Variants in SPAG16 observed in about 807,000 individuals in gnomAD.
SPAG16 encodes the protein sperm-associated antigen 16 protein.
In SPAG16, 86 loss-of-function variants were observed where a neutral mutation model predicts 80.4. That is an observed-to-expected ratio of 1.07 (90% confidence interval 0.90 to 1.28). The LOEUF is 1.28. SPAG16 is among the 50% of genes most tolerant of loss of function. SPAG16 has a pLI of 0.00. For synonymous variants in SPAG16, 294 were observed against 265.9 expected (o/e 1.11, Z -1.03); for missense variants, 870 against 765.3 (o/e 1.14, Z -1.61).
intron 13 of SPAG16, among the ~76,000 whole-genome samples, chr2:214,017,140 G>A (rs1228066015): frequency 1.3e-5 from 2 of 152,122 alleles, no homozygotes; most frequent in African/African-American, 2.4e-5. Flanking sequence ...TTCTGAGGAA[G>A]CAGAAGTCAA....
At chr2:213,747,902 T>C (rs1239632966) in intron 10 of SPAG16, among the ~76,000 whole-genome samples, 1 of 152,226 alleles carries the variant, frequency 6.6e-6, no homozygotes, top group Non-Finnish European at 1.5e-5. Flanking sequence ...CAATAAAACA[T>C]ATTCTGTCAT....
Position 214,090,805 on chromosome 2 carries a change from T to C in SPAG16, c.1528-17391T>C, listed in dbSNP as rs976159266. 7.9e-5 allele frequency among the ~76,000 whole-genome samples: 12 copies of C among 152,192 alleles called. No individual in the cohort carries two copies. The East Asian group carries it at 9.6e-4, about 12-fold the overall frequency. On this transcript the variant is annotated intron_variant, in intron 13 of 15. Transcript: ENST00000331683. ...CATTTTATTAAAGTCTGTTTCTTCC[T>C]CATTAGTCTTTGCGTCCTTTGAGAG...
chr2:213,826,350 G>A (rs1197648759), intron 10 of SPAG16, among the ~76,000 whole-genome samples: 1 of 151,492 alleles, frequency 6.6e-6, no homozygotes, highest in Non-Finnish European at 1.5e-5. Context: ...TTTATGTGTA[G>A]TTTTTCTTTT....
rs138787636 is a variant in SPAG16, at chr2:213,336,522, G to A, written c.537-3641G>A. ...CAGGAGGGTTGGCCACCATCACTGC[G>A]GCTCCAGTTGGCCATTGTCCCCTGC... On this transcript the variant is annotated intron_variant, in intron 5 of 15. Transcript: ENST00000331683. Among the ~76,000 whole-genome samples the A allele has an allele frequency of 1.2e-3, 181 of 152,334 alleles. 2 individuals are homozygous for A. The highest frequency in any genetic ancestry group is 3.8e-3 in the African/African-American group (160 of 41,578).
chr2:214,090,562 G>A (rs987869303), intron 13 of SPAG16, among the ~76,000 whole-genome samples: 4 of 151,518 alleles, frequency 2.6e-5, no homozygotes, highest in Admixed American at 6.6e-5. Flanking sequence ...TAAAATAATG[G>A]GCTATTGTGA....
intron 10 of SPAG16, among the ~76,000 whole-genome samples, chr2:213,708,059 T>A (rs547786499): frequency 6.6e-6 from 1 of 152,282 alleles, no homozygotes; most frequent in Non-Finnish European, 1.5e-5. Flanking sequence ...AACTGTGAAA[T>A]TACAATACTA....
chr2:213,285,767 A>G (rs1285201997), intron 1 of SPAG16: 2 of 556,744 alleles, frequency 3.6e-6, no homozygotes, highest in African/African-American at 2.0e-5. Flanking sequence ...TGAATTTGAA[A>G]GAAATATATG....
intron 12 of SPAG16, among the ~76,000 whole-genome samples, chr2:213,975,100 C>G (rs1312821104): frequency 6.6e-6 from 1 of 150,800 alleles, no homozygotes; most frequent in Non-Finnish European, 1.5e-5. Flanking sequence ...TTAATAGTAG[C>G]AAGATATTCA....
rs1559689715 is a variant in SPAG16, at chr2:214,012,278, A to ATTTT, written c.1401-1672_1401-1671insTTTT. On this transcript the variant is annotated intron_variant, in intron 12 of 15. Coordinates refer to ENST00000331683, the MANE Select transcript of SPAG16 (RefSeq NM_024532.5). ...TACTTACATATATATATATATATATATATATATATATTTTTTTTTTTTTTT... is the reference window on the plus strand; with the variant it reads ...TACTTACATATATATATATATATATATTTTTATATATATATTTTTTTTTTTTTTT... 2.4e-4 allele frequency among the ~76,000 whole-genome samples: 11 copies of ATTTT among 45,048 alleles called. 1 individual carries two copies. The highest frequency in any genetic ancestry group is 7.8e-3 in the Middle Eastern group (1 of 128). The allele number at this position is 45,048 out of a possible 152,430, so 29.6% of individuals were successfully genotyped here.
At chr2:213,868,378 G>T (rs552563672) in intron 11 of SPAG16, among the ~76,000 whole-genome samples, 2 of 152,120 alleles carry the variant, frequency 1.3e-5, no homozygotes, top group African/African-American at 2.4e-5. Flanking sequence ...AAAATACAGT[G>T]GTTGAACTTC....
At chr2:214,389,915 G>A (rs947327257) in intron 15 of SPAG16, among the ~76,000 whole-genome samples, 1 of 152,264 alleles carries the variant, frequency 6.6e-6, no homozygotes, top group Middle Eastern at 3.4e-3. Context: ...TATGTAAAAC[G>A]TTGAAGTGAC....
intron 9 of SPAG16, among the ~76,000 whole-genome samples, chr2:213,406,543 G>T (rs1355193556): frequency 6.6e-6 from 1 of 152,100 alleles, no homozygotes; most frequent in Admixed American, 6.5e-5. Context: ...TCAAAGCATT[G>T]TATTTTAATT....
chr2:214,186,352 C>T (rs949600497), intron 15 of SPAG16, among the ~76,000 whole-genome samples: 29 of 152,122 alleles, frequency 1.9e-4, no homozygotes, highest in African/African-American at 7.0e-4. Context: ...TCTAATTACT[C>T]TGAGTTTTTC....
chr2:213,686,674 CTTTTTTTTTTT>C (rs748200040), intron 10 of SPAG16, among the ~76,000 whole-genome samples: 8 of 86,104 alleles, frequency 9.3e-5, no homozygotes, highest in East Asian at 3.4e-4. Context: ...ATTAATCCAC[CTTTTTTTTTTT>C]TTTTTTTTTT....
At chr2:214,239,974 A>G (rs1440556646) in intron 15 of SPAG16, 6 of 152,224 alleles carry the variant, frequency 3.9e-5, no homozygotes, top group African/African-American at 7.2e-5. Context: ...CCATCATTAC[A>G]TCCTCCACCA....
At chr2:213,962,186 C>T (rs940484885) in intron 12 of SPAG16, among the ~76,000 whole-genome samples, 1 of 151,378 alleles carries the variant, frequency 6.6e-6, no homozygotes, top group East Asian at 1.9e-4. Context: ...GAACTGGTAT[C>T]CTTTTTTTAT....
chr2:213,468,536 TA>T (rs2072871439), intron 9 of SPAG16, among the ~76,000 whole-genome samples: 1 of 134,686 alleles, frequency 7.4e-6, no homozygotes, highest in Admixed American at 7.4e-5. Context: ...TATATATAGA[TA>T]TATATATATG....
At chr2:214,010,078 T>C (rs1456031691) in intron 12 of SPAG16, among the ~76,000 whole-genome samples, 2 of 121,644 alleles carry the variant, frequency 1.6e-5, no homozygotes, top group African/African-American at 7.9e-5. Context: ...TTTTAAATTG[T>C]TTTTATATAA....
At chr2:213,449,770 A>T (rs2071577298) in intron 9 of SPAG16, among the ~76,000 whole-genome samples, 1 of 152,210 alleles carries the variant, frequency 6.6e-6, no homozygotes, top group Non-Finnish European at 1.5e-5. Flanking sequence ...ATACCTGCAC[A>T]TACACCCTGT....
Sources: allele counts gnomAD v4.1 joint callset (sites outside exome capture counted in the v4.1 genomes callset), GRCh38; gene constraint gnomAD v4.1.1; transcripts MANE v1.5; gene names NCBI Gene and HGNC (gene_info 2026-07-23, HGNC 2026-07-21).